GRM8: variants seen among roughly 807,000 people sequenced by gnomAD.
GRM8 encodes glutamate metabotropic receptor 8.
In GRM8, 47 loss-of-function variants were observed where a neutral mutation model predicts 87.2. That is an observed-to-expected ratio of 0.54 (90% CI 0.43 to 0.69). The LOEUF (loss-of-function observed/expected upper bound fraction) is 0.69, where lower values mean the gene tolerates loss of function less well. Among genes scored for constraint, GRM8 ranks in the 30% least tolerant of loss-of-function variants. GRM8 has a pLI of 0.00. For synonymous variants in GRM8, 396 were observed against 404.5 expected, an observed-to-expected ratio of 0.98 and a Z score of 0.25; for missense variants, 1,019 against 1,139.2, an observed-to-expected ratio of 0.89 and a Z score of 1.52.
intron 2 of GRM8, among the ~76,000 whole-genome samples, chr7:127,220,017 C>T (rs1384799923): frequency 6.6e-6 from 1 of 152,238 alleles, no homozygotes; most frequent in East Asian, 1.9e-4. Flanking sequence ...ACCGCCCCAA[C>T]CTACTGAATC....
chr7:126,525,648 C>G (rs1336272798), intron 9 of GRM8, among the ~76,000 whole-genome samples: 1 of 152,212 alleles, frequency 6.6e-6, no homozygotes, highest in East Asian at 1.9e-4. Flanking sequence ...CTTTGAATTT[C>G]TCCATAAATC....
intron 7 of GRM8, among the ~76,000 whole-genome samples, chr7:126,719,149 T>C (rs994486400): frequency 1.3e-5 from 2 of 152,212 alleles, no homozygotes; most frequent in Admixed American, 6.5e-5. Context: ...GTGTGTATTA[T>C]AATAATAGAC....
chr7:126,516,331 T>C (rs1812156739), intron 9 of GRM8, among the ~76,000 whole-genome samples: 1 of 151,974 alleles, frequency 6.6e-6, no homozygotes, highest in African/African-American at 2.4e-5. Flanking sequence ...AGCAACCCTA[T>C]CCTAGGAAAC....
At position 126,801,620 on chromosome 7, in the gene GRM8, G is replaced by A. The variant is rs182683394; in HGVS notation, c.1157-31555C>T. On this transcript the variant is annotated intron_variant, in intron 6 of 10. Transcript: ENST00000339582. ...TGTATTATATAATTTTCTATAATAC[G>A]TATGTATTAGTTATTGTAATGCATG... 6.8e-3 allele frequency among the ~76,000 whole-genome samples: 1,040 copies of A among 152,032 alleles called. 4 individuals are homozygous for A. The highest frequency in any genetic ancestry group is 0.01 in the Non-Finnish European group (699 of 67,984).
intron 2 of GRM8, among the ~76,000 whole-genome samples, chr7:127,226,344 A>G (rs997296162): frequency 6.6e-6 from 1 of 152,236 alleles, no homozygotes; most frequent in African/African-American, 2.4e-5. Context: ...GCACGTATTC[A>G]AAAACCTATA....
intron 9 of GRM8, among the ~76,000 whole-genome samples, chr7:126,469,648 G>A (rs1224280901): frequency 1.3e-5 from 2 of 152,142 alleles, no homozygotes; most frequent in African/African-American, 4.8e-5. Flanking sequence ...ACTGCCATGT[G>A]AAGAAGGATG....
chr7:126,541,401 A>C (rs1816521112), intron 8 of GRM8, among the ~76,000 whole-genome samples: 1 of 152,232 alleles, frequency 6.6e-6, no homozygotes, highest in South Asian at 2.1e-4. Flanking sequence ...CAGTGGATGG[A>C]GTAGCAAGAA....
intron 7 of GRM8, among the ~76,000 whole-genome samples, chr7:126,627,814 T>C (rs1800849011): frequency 1.3e-5 from 2 of 152,228 alleles, no homozygotes; most frequent in African/African-American, 4.8e-5. Context: ...TATATTTCTA[T>C]ATTTCTAAAT....
At chr7:126,814,817 C>CAACCAG (rs1793628316) in intron 6 of GRM8, among the ~76,000 whole-genome samples, 1 of 151,270 alleles carries the variant, frequency 6.6e-6, no homozygotes, top group Admixed American at 6.6e-5. Context: ...CTGTATAGGT[C>CAACCAG]AACCAGAACC....
At chr7:126,590,257 A>C (rs1228989593) in intron 8 of GRM8, among the ~76,000 whole-genome samples, 2 of 152,014 alleles carry the variant, frequency 1.3e-5, no homozygotes, top group Admixed American at 1.3e-4. Context: ...CAGCAATAGA[A>C]TTGAACAAGC....
intron 6 of GRM8, among the ~76,000 whole-genome samples, chr7:126,801,782 G>A (rs894803380): frequency 3.3e-5 from 5 of 152,014 alleles, no homozygotes; most frequent in South Asian, 2.1e-4. Flanking sequence ...CTTTCAGAGC[G>A]ACTAGTTGCA....
chr7:126,940,407 C>T (rs1188444423), intron 3 of GRM8, among the ~76,000 whole-genome samples: 1 of 152,136 alleles, frequency 6.6e-6, no homozygotes, highest in Non-Finnish European at 1.5e-5. Flanking sequence ...CTTCACAGTT[C>T]ATCTGCTTCC....
At chr7:126,874,805 T>G (rs995029471) in intron 6 of GRM8, among the ~76,000 whole-genome samples, 35 of 152,154 alleles carry the variant, frequency 2.3e-4, no homozygotes, top group African/African-American at 6.3e-4. Flanking sequence ...TGGAAGTACA[T>G]TTGACCATTT....
At chr7:127,157,432 T>A (rs1472010170) in intron 2 of GRM8, among the ~76,000 whole-genome samples, 5 of 152,196 alleles carry the variant, frequency 3.3e-5, no homozygotes, top group Admixed American at 2.0e-4. Context: ...GAAAAAATTT[T>A]AAAAATTGTT....
rs528746347 is a variant in GRM8 at position 126,520,782 on chromosome 7, G to A, written c.2430+12170C>T. On this transcript the variant is annotated intron_variant, in intron 9 of 10. Transcript: ENST00000339582. The stretch of plus-strand genomic sequence containing the variant: ...GACGGCCTTCTTTGGAGACATGTAC[G>A]TTATAATCCTATGGTAGTGACTCCC... 7.2e-5 allele frequency among the ~76,000 whole-genome samples: 11 copies of A among 152,148 alleles called. No homozygotes were observed. In the South Asian group the frequency reaches 1.9e-3, roughly 26 times the overall value.
chr7:126,534,561 G>T (rs989926067), intron 8 of GRM8, among the ~76,000 whole-genome samples: 2 of 152,090 alleles, frequency 1.3e-5, no homozygotes, highest in Non-Finnish European at 2.9e-5. Flanking sequence ...GTGGCCCTAT[G>T]GTGATTTAAA....
Position 127,232,900 on chromosome 7 carries a change from C to T in GRM8, c.510+9795G>A, listed in dbSNP as rs1432942262. 6.6e-5 allele frequency among the ~76,000 whole-genome samples: 10 copies of T among 152,030 alleles called. 1 individual carries two copies. Among genetic ancestry groups the T allele is most frequent in the African/African-American group, 1.7e-4 (7 of 41,392 alleles). ...TTACCCAGGCTGGAGTGCAGTGGCG[C>T]GATCTTGGCTCACTGCAACCTCTGT... On this transcript the variant is annotated intron_variant, in intron 2 of 10. Coordinates refer to ENST00000339582, the MANE Select transcript of GRM8 (RefSeq NM_000845.3).
At chr7:126,441,179 T>C (rs1333660351) in intron 10 of GRM8, among the ~76,000 whole-genome samples, 1 of 152,038 alleles carries the variant, frequency 6.6e-6, no homozygotes, top group Non-Finnish European at 1.5e-5. Context: ...TCTTAGACTC[T>C]AGAGGTAAAC....
intron 7 of GRM8, among the ~76,000 whole-genome samples, chr7:126,669,187 A>C (rs1478802652): frequency 4.6e-5 from 7 of 152,160 alleles, no homozygotes; most frequent in African/African-American, 1.7e-4. Context: ...GGCAAAAGGA[A>C]GGAGGGCATT....
Sources: allele counts gnomAD v4.1 joint callset (sites outside exome capture counted in the v4.1 genomes callset), GRCh38; gene constraint gnomAD v4.1.1; transcripts MANE v1.5; gene names NCBI Gene and HGNC (gene_info 2026-07-23, HGNC 2026-07-21).